Variants in G2E3 observed in about 807,000 individuals in gnomAD.
G2E3 encodes G2/M phase-specific E3 ubiquitin-protein ligase.
In G2E3, 35 loss-of-function variants were observed where a neutral mutation model predicts 92.8. The observed-to-expected ratio is 0.38, with a 90% CI of 0.29 to 0.50. The LOEUF (loss-of-function observed/expected upper bound fraction) is 0.50, where lower values mean the gene tolerates loss of function less well. Among genes scored for constraint, G2E3 ranks in the 20% least tolerant of loss-of-function variants. G2E3 has a pLI of 0.94. For missense variants in G2E3, 554 were observed against 823.8 expected, an observed-to-expected ratio of 0.67 and a Z score of 4.01; for synonymous variants, 242 against 272.4, an observed-to-expected ratio of 0.89 and a Z score of 1.10.
intron 1 of G2E3, chr14:30,560,833 T>A (rs925984732): frequency 4.3e-6 from 3 of 701,016 alleles, no homozygotes; most frequent in Non-Finnish European, 2.6e-6. Context: ...TCTGCATATT[T>A]AACTGAAAGG....
intron 1 of G2E3, among the ~76,000 whole-genome samples, chr14:30,577,096 A>G (rs991741785): frequency 6.6e-6 from 1 of 151,824 alleles, no homozygotes; most frequent in African/African-American, 2.4e-5. Context: ...GTGGTGGCGT[A>G]TGCCTGTAGT....
At chr14:30,609,998 TAC>T (rs1270441270) in intron 12 of G2E3, among the ~76,000 whole-genome samples, 7 of 152,204 alleles carry the variant, frequency 4.6e-5, no homozygotes, top group Non-Finnish European at 2.9e-5. Context: ...CTTCCAAAAG[TAC>T]AGTTTTGACC....
At chr14:30,581,592 C>T (rs1880436483) in intron 2 of G2E3, among the ~76,000 whole-genome samples, 1 of 152,198 alleles carries the variant, frequency 6.6e-6, no homozygotes, top group Admixed American at 6.5e-5. Context: ...ATCCCAGCTA[C>T]TCGCTAGGCC....
At chr14:30,559,388 G>A (rs1420772515) in intron 1 of G2E3, 116 bp downstream of exon 1, 1 of 152,586 alleles carries the variant, frequency 6.6e-6, no homozygotes, top group Non-Finnish European at 1.5e-5. Context: ...CAGTGCTTTT[G>A]GGGACGTCTG....
chr14:30,587,181 G>A (rs942422026), intron 3 of G2E3, among the ~76,000 whole-genome samples: 1 of 152,086 alleles, frequency 6.6e-6, no homozygotes, highest in East Asian at 1.9e-4. Flanking sequence ...TGAGGGTTCA[G>A]GGAGTGGAAT....
chr14:30,581,888 C>G, intron 2 of G2E3, among the ~76,000 whole-genome samples: 1 of 152,194 alleles, frequency 6.6e-6, no homozygotes. Context: ...TTACACTCTT[C>G]TGCCACTTCT....
intron 13 of G2E3, among the ~76,000 whole-genome samples, 187 bp from the exon 14 acceptor site, chr14:30,615,162 T>G (rs1341542171): frequency 6.6e-6 from 1 of 152,218 alleles, no homozygotes; most frequent in Non-Finnish European, 1.5e-5. Flanking sequence ...TCATGTGTAG[T>G]ATATCCATAT....
chr14:30,614,451 G>A (rs945515395), intron 13 of G2E3, among the ~76,000 whole-genome samples: 4 of 152,162 alleles, frequency 2.6e-5, no homozygotes, highest in South Asian at 2.1e-4. Context: ...GTGTGCCCTC[G>A]AAATCAGGCT....
At chr14:30,587,056 T>C (rs1272276713) in intron 3 of G2E3, among the ~76,000 whole-genome samples, 2 of 152,170 alleles carry the variant, frequency 1.3e-5, no homozygotes, top group African/African-American at 4.8e-5. Context: ...TCTTTCTTTC[T>C]GTTTAAGGCC....
At chr14:30,612,689 C>A (rs764716153) in intron 13 of G2E3, among the ~76,000 whole-genome samples, 21 of 151,980 alleles carry the variant, frequency 1.4e-4, no homozygotes, top group Non-Finnish European at 2.6e-4. Context: ...GAAACCCCGT[C>A]TGTACTAAAA....
chr14:30,607,387 T>TTCTAGACTGC (rs1881879834), intron 11 of G2E3, among the ~76,000 whole-genome samples: 1 of 152,162 alleles, frequency 6.6e-6, no homozygotes, highest in East Asian at 1.9e-4. Flanking sequence ...GGCTCTATGG[T>TTCTAGACTGC]AAAGCCTATT....
At position 30,618,258 on chromosome 14, in the gene G2E3, C is replaced by T. The variant is rs1183712190; in HGVS notation, c.*1724C>T. On this transcript the variant is annotated 3_prime_UTR_variant, in exon 15 of 15. Coordinates refer to ENST00000206595, the MANE Select transcript of G2E3 (RefSeq NM_017769.5). ...GCTTTGGTTGAATTTTTTTGTCTCA[C>T]CAATAGTAATTGAAAGATCAATTAT... 6.6e-6 allele frequency: 1 copy of T among 151,944 alleles called. No individual in the cohort carries two copies. Among genetic ancestry groups the T allele is most frequent in the Non-Finnish European group, 1.5e-5 (1 of 67,928 alleles). The allele number at this position is 151,944 out of a possible 1,614,324, so 9.4% of individuals were successfully genotyped here.
In G2E3 at chr14:30,612,050, G is replaced by A. The variant is rs1882116853; in HGVS notation, c.1501-157G>A. ...AATAGACAAATTTGTTGAACTGGATGATCAGACATTTATTCTAGAAGAATA... is the reference window on the plus strand; with the variant it reads ...AATAGACAAATTTGTTGAACTGGATAATCAGACATTTATTCTAGAAGAATA... On this transcript the variant is annotated intron_variant, in intron 12 of 14. Transcript: ENST00000206595. The A allele has an allele frequency of 1.1e-5, 6 of 570,310 alleles. No homozygotes were observed. In the South Asian group the frequency reaches 1.5e-4, roughly 14 times the overall value. The allele number at this position is 570,310 out of a possible 1,614,324, so 35.3% of individuals were successfully genotyped here. A position where few individuals can be genotyped will look rare whatever the true frequency, so the allele number is the denominator to read the frequency against.
At position 30,601,959 on chromosome 14, in the gene G2E3, T is replaced by TATA. The variant is rs371712779; in HGVS notation, c.878-39_878-37dup. 498 of 1,605,300 alleles carry TATA rather than the reference T, an allele frequency of 3.1e-4. 1 individual carries two copies. In the African/African-American group the frequency reaches 5.8e-3, roughly 19 times the overall value. On this transcript the variant is annotated intron_variant, in intron 9 of 14. Transcript: ENST00000206595. ...TGTATATGATTTAAAAGTTTTTACC[T>TATA]ATATCTCTATTATGCTAACATGGAA...
intron 10 of G2E3, among the ~76,000 whole-genome samples, chr14:30,603,102 C>T (rs57633285): frequency 3.9e-5 from 6 of 152,170 alleles, no homozygotes; most frequent in Middle Eastern, 3.4e-3. Flanking sequence ...CCTAGGCGGG[C>T]GGATCCCGAG....
intron 6 of G2E3, among the ~76,000 whole-genome samples, chr14:30,596,418 C>T (rs1033972379): frequency 3.9e-5 from 6 of 152,264 alleles, no homozygotes; most frequent in Admixed American, 1.3e-4. Flanking sequence ...CTAGCCTCTA[C>T]TTAGTTCAGT....
intron 1 of G2E3, among the ~76,000 whole-genome samples, chr14:30,578,947 T>C (rs1204312417): frequency 6.6e-6 from 1 of 152,216 alleles, no homozygotes; most frequent in Non-Finnish European, 1.5e-5. Flanking sequence ...GGTGTCTTTG[T>C]TGAAAATGAC....
At position 30,597,497 on chromosome 14, in the gene G2E3, G is replaced by T; in HGVS notation, c.606G>T (p.Met202Ile). The T allele has an allele frequency of 6.4e-7, 1 of 1,554,154 alleles. No homozygotes were observed. Among genetic ancestry groups the T allele is most frequent in the Non-Finnish European group, 8.9e-7 (1 of 1,125,486 alleles). Residue 202 changes from methionine (M) to isoleucine (I), a missense_variant, in exon 7 of 15, where the codon ATG becomes ATT. By Grantham distance (10) the Met-to-Ile change is conservative. Around this residue, in one of 3 missense-constraint regions of G2E3, gnomAD observed 20 missense variants for 62.3 expected, o/e 0.32. Coordinates refer to ENST00000206595, the MANE Select transcript of G2E3 (RefSeq NM_017769.5). Reference sequence around the variant, plus strand: ...ATAGTGACATCTTTCAGAAAGAGATGTTGAGAATGGGAATTCATATTCCTG... The same window carrying T: ...ATAGTGACATCTTTCAGAAAGAGATTTTGAGAATGGGAATTCATATTCCTG... ...CNNSDIFQKE[M>I]LRMGIHIPEK...
chr14:30,598,400 G>A, intron 7 of G2E3, 83 bp from the exon 8 acceptor site: 2 of 955,304 alleles, frequency 2.1e-6, no homozygotes, highest in Non-Finnish European at 3.4e-6. Context: ...AACAAAAAAA[G>A]GTTTTTATTT....
Sources: gnomAD v4.1 joint callset for allele counts (sites outside exome capture counted in the v4.1 genomes callset) on GRCh38, gnomAD v4.1.1 for gene constraint, gnomAD v4.1.1 regional missense constraint, MANE v1.5 for transcripts, NCBI Gene and HGNC (gene_info 2026-07-23, HGNC 2026-07-21) for gene names.